SYT16: variants seen among roughly 807,000 people sequenced by gnomAD.
The protein encoded by SYT16 is synaptotagmin 16.
In SYT16, 42 loss-of-function variants were observed where a neutral mutation model predicts 61.4. The observed-to-expected ratio is 0.68, with a 90% CI of 0.53 to 0.89. The LOEUF is 0.89. Ranked by LOEUF, SYT16 falls within the 40% of genes least tolerant of loss-of-function variation. The pLI is 0.00. For missense variants in SYT16, 804 were observed against 807.3 expected (o/e 1.00, Z 0.05); for synonymous variants, 314 against 302.3 (o/e 1.04, Z -0.40).
rs186992873 is a variant in SYT16 at position 62,070,343 on chromosome 14, T to C, written c.736+528T>C. Among the ~76,000 whole-genome samples, 7 of 152,328 alleles carry C rather than the reference T, an allele frequency of 4.6e-5. 1 individual carries two copies. The highest frequency in any genetic ancestry group is 1.7e-4 in the African/African-American group (7 of 41,568). Reference sequence around the variant, plus strand: ...AGTAGTGTAATAATATTAAATAACCTTTTTCAAACAGCACATGCCCCTGCA... The same window carrying C: ...AGTAGTGTAATAATATTAAATAACCCTTTTCAAACAGCACATGCCCCTGCA... On this transcript the variant is annotated intron_variant, in intron 4 of 7. Transcript: ENST00000683842.
intron 1 of SYT16, among the ~76,000 whole-genome samples, chr14:61,950,746 A>T (rs2050637595): frequency 6.6e-6 from 1 of 152,250 alleles, no homozygotes; most frequent in Admixed American, 6.5e-5. Context: ...TACTCCAAGG[A>T]TATAATGAAA....
At chr14:62,087,937 A>G (rs547528655) in intron 7 of SYT16, among the ~76,000 whole-genome samples, 1 of 152,314 alleles carries the variant, frequency 6.6e-6, no homozygotes, top group African/African-American at 2.4e-5. Flanking sequence ...CAGAGCCTCC[A>G]CTGCACAGCC....
intron 2 of SYT16, among the ~76,000 whole-genome samples, chr14:61,985,462 T>C (rs2052265396): frequency 6.6e-6 from 1 of 152,160 alleles, no homozygotes; most frequent in South Asian, 2.1e-4. Context: ...AATAAAACTT[T>C]CATCAGATGA....
chr14:61,948,349 G>C (rs536947260), intron 1 of SYT16, among the ~76,000 whole-genome samples: 1 of 151,882 alleles, frequency 6.6e-6, no homozygotes, highest in East Asian at 1.9e-4. Flanking sequence ...CTCTCCATCA[G>C]AGACCCAACT....
intron 2 of SYT16, among the ~76,000 whole-genome samples, chr14:61,977,509 G>C (rs1229509061): frequency 6.6e-6 from 1 of 152,228 alleles, no homozygotes; most frequent in African/African-American, 2.4e-5. Context: ...AGGGGGAATA[G>C]CTCCTTATGA....
intron 1 of SYT16, among the ~76,000 whole-genome samples, chr14:61,912,273 G>T (rs1159323781): frequency 6.6e-6 from 1 of 152,144 alleles, no homozygotes; most frequent in Non-Finnish European, 1.5e-5. Context: ...GAACACGTGG[G>T]CTTCTTTAAA....
At chr14:61,906,991 C>T (rs1240619788) in intron 1 of SYT16, among the ~76,000 whole-genome samples, 1 of 152,070 alleles carries the variant, frequency 6.6e-6, no homozygotes, top group African/African-American at 2.4e-5. Flanking sequence ...GCCTGTTATT[C>T]ATACCCTGTG....
chr14:61,859,910 G>A (rs1218406745), intron 1 of SYT16, among the ~76,000 whole-genome samples: 2 of 152,064 alleles, frequency 1.3e-5, no homozygotes, highest in African/African-American at 2.4e-5. Flanking sequence ...TTCTTTGTTT[G>A]GAAAAGTACA....
Position 62,069,738 on chromosome 14 carries a change from G to C in SYT16, c.659G>C (p.Gly220Ala), listed in dbSNP as rs2056219163. The C allele has an allele frequency of 6.2e-7, 1 of 1,614,030 alleles. No individual in the cohort carries two copies. Among genetic ancestry groups the C allele is most frequent in the Non-Finnish European group, 8.5e-7 (1 of 1,179,892 alleles). ...ACATCTGAGAAAGGAAAGCAGACAG[G>C]ATTGGAGCAGAAACCAAAATTCAGC... is the stretch of plus-strand genomic sequence containing the variant. ...SVTSEKGKQT[G>A]LEQKPKFSRS... The change falls in exon 4 of 8, where the codon GGA (glycine) becomes GCA (alanine). Residue 220 changes from glycine (G) to alanine (A), a missense_variant. Coordinates refer to ENST00000683842, the MANE Select transcript of SYT16 (RefSeq NM_001367656.1).
intron 2 of SYT16, among the ~76,000 whole-genome samples, chr14:61,972,624 G>A (rs900937132): frequency 1.4e-4 from 21 of 152,094 alleles, no homozygotes; most frequent in African/African-American, 4.6e-4. Context: ...TTTGAAAAAC[G>A]TGCTTCTACC....
intron 2 of SYT16, among the ~76,000 whole-genome samples, chr14:61,985,464 A>G (rs1412860448): frequency 1.3e-5 from 2 of 152,148 alleles, no homozygotes; most frequent in Non-Finnish European, 2.9e-5. Flanking sequence ...TAAAACTTTC[A>G]TCAGATGAAA....
chr14:62,014,029 C>T lies in SYT16; in HGVS notation c.523+17487C>T, dbSNP rs2140721329. Among the ~76,000 whole-genome samples the T allele has an allele frequency of 2.0e-5, 3 of 152,186 alleles. No homozygotes were observed. The South Asian group carries it at 6.2e-4, about 32-fold the overall frequency. On this transcript the variant is annotated intron_variant, in intron 3 of 7. Coordinates refer to ENST00000683842, the MANE Select transcript of SYT16 (RefSeq NM_001367656.1). ...GCATTCCTTACCTGGGTTCTGGACT[C>T]CACTTGTTCCTGGTTTTCTCCCTGC...
Position 62,081,092 on chromosome 14 carries a change from G to T in SYT16, c.1252G>T (p.Val418Phe). 1.9e-6 allele frequency: 3 copies of T among 1,613,840 alleles called. No homozygotes were observed. Among genetic ancestry groups the T allele is most frequent in the South Asian group, 1.1e-5 (1 of 91,022 alleles). Residue 418 changes from valine to phenylalanine, a missense_variant, in exon 6 of 8, where the codon GTC becomes TTC. Transcript: ENST00000683842. ...GCCCAACCCCGTCTTCAGGGAGAAG[G>T]TCACCTTTGCCAAGCTGGAGCCCAG... Reference protein sequence around the residue: ...RGPNPVFREKVTFAKLEPRDV... With the variant: ...RGPNPVFREKFTFAKLEPRDV...
chr14:61,893,325 C>T (rs1343331361), intron 1 of SYT16, among the ~76,000 whole-genome samples: 3 of 152,188 alleles, frequency 2.0e-5, no homozygotes, highest in African/African-American at 7.2e-5. Context: ...TTTATGCTTT[C>T]CTCTGAAATG....
At chr14:61,935,481 G>A (rs560998908) in intron 1 of SYT16, among the ~76,000 whole-genome samples, 1 of 152,336 alleles carries the variant, frequency 6.6e-6, no homozygotes, top group East Asian at 1.9e-4. Flanking sequence ...GGCCTAGCCT[G>A]GCTCTTCACC....
chr14:61,874,232 C>G (rs1330734701), intron 1 of SYT16, among the ~76,000 whole-genome samples: 3 of 152,144 alleles, frequency 2.0e-5, no homozygotes, highest in Non-Finnish European at 4.4e-5. Context: ...CTATTAAGTG[C>G]AGGAGAGGAA....
chr14:62,095,451 C>T (rs906379155), intron 7 of SYT16, among the ~76,000 whole-genome samples: 5 of 151,758 alleles, frequency 3.3e-5, no homozygotes, highest in African/African-American at 1.2e-4. Flanking sequence ...TATAATACAT[C>T]AGCAACAATC....
At chr14:61,892,001 A>C (rs1173535461) in intron 1 of SYT16, among the ~76,000 whole-genome samples, 1 of 152,164 alleles carries the variant, frequency 6.6e-6, no homozygotes, top group Non-Finnish European at 1.5e-5. Flanking sequence ...TCCAGGGGCG[A>C]GGCTGACTGG....
At chr14:61,820,578 T>C (rs1458400475) in intron 1 of SYT16, among the ~76,000 whole-genome samples, 4 of 135,990 alleles carry the variant, frequency 2.9e-5, no homozygotes, top group Non-Finnish European at 4.6e-5. Flanking sequence ...GCCTCCTGGG[T>C]TCAAGCGATT....
Sources: allele counts gnomAD v4.1 joint callset (sites outside exome capture counted in the v4.1 genomes callset), GRCh38; gene constraint gnomAD v4.1.1; transcripts MANE v1.5; gene names NCBI Gene and HGNC (gene_info 2026-07-23, HGNC 2026-07-21).